APLF: variants seen among roughly 807,000 people sequenced by gnomAD.
APLF encodes aprataxin and PNK-like factor.
A neutral mutation model predicts 55.6 loss-of-function variants in APLF; 61 were observed. The ratio of observed to expected loss-of-function variants is 1.10; its 90% CI spans 0.89 to 1.36. The LOEUF (loss-of-function observed/expected upper bound fraction) is 1.36. Among genes scored for constraint, APLF ranks in the 40% most tolerant of loss-of-function variants. APLF has a pLI of 0.00. For synonymous variants in APLF, 207 were observed against 214.8 expected, an observed-to-expected ratio of 0.96 and a Z score of 0.32; for missense variants, 611 against 602.5, an observed-to-expected ratio of 1.01 and a Z score of -0.15.
chr2:68,514,421 T>G (rs1669515717), intron 5 of APLF, among the ~76,000 whole-genome samples: 1 of 151,814 alleles, frequency 6.6e-6, no homozygotes, highest in Non-Finnish European at 1.5e-5. Context: ...TATGTTCCTC[T>G]GAAGAAGTAT....
intron 1 of APLF, among the ~76,000 whole-genome samples, chr2:68,483,791 A>C (rs1298035007): frequency 1.3e-5 from 2 of 152,176 alleles, no homozygotes; most frequent in African/African-American, 2.4e-5. Flanking sequence ...ATACTGAAAA[A>C]TGAACTATTT....
chr2:68,491,725 C>T (rs111403532), intron 2 of APLF, among the ~76,000 whole-genome samples: 3,876 of 152,200 alleles, frequency 0.025, 65 homozygotes, highest in South Asian at 0.043. Context: ...TAACCGTCAC[C>T]TGAATAGTGT....
intron 6 of APLF, among the ~76,000 whole-genome samples, chr2:68,527,637 C>T (rs1246745256): frequency 2.0e-5 from 3 of 150,558 alleles, no homozygotes; most frequent in South Asian, 2.1e-4. Context: ...CGGGCAGAGG[C>T]GCTCCTCACT....
chr2:68,515,292 AAT>A (rs67524979), intron 5 of APLF, among the ~76,000 whole-genome samples: 21,541 of 147,906 alleles, frequency 0.15, 3,302 homozygotes, highest in African/African-American at 0.39. Context: ...CTTCATGTGT[AAT>A]ATATATATAT....
chr2:68,534,095 T>C (rs983485260), intron 6 of APLF, among the ~76,000 whole-genome samples: 3 of 152,162 alleles, frequency 2.0e-5, no homozygotes, highest in African/African-American at 7.2e-5. Flanking sequence ...GGAATAAAAT[T>C]GTAGGACTTC....
chr2:68,485,073 AACAAGG>A (rs1676086968), intron 1 of APLF, among the ~76,000 whole-genome samples: 1 of 152,088 alleles, frequency 6.6e-6, no homozygotes, highest in Non-Finnish European at 1.5e-5. Context: ...GTCACCTAAG[AACAAGG>A]ACATTTCTAT....
chr2:68,518,423 A>AT (rs1467915691), intron 5 of APLF, among the ~76,000 whole-genome samples: 2 of 112,484 alleles, frequency 1.8e-5, no homozygotes, highest in East Asian at 2.5e-4. Context: ...ATTATATAAT[A>AT]ATTTATTATA....
At chr2:68,563,885 C>T (rs1052453529) in intron 8 of APLF, among the ~76,000 whole-genome samples, 1 of 151,926 alleles carries the variant, frequency 6.6e-6, no homozygotes, top group Non-Finnish European at 1.5e-5. Flanking sequence ...TAGATAATAA[C>T]AGTAAGACAC....
intron 1 of APLF, among the ~76,000 whole-genome samples, chr2:68,469,987 A>G (rs1354674340): frequency 6.6e-6 from 1 of 152,202 alleles, no homozygotes; most frequent in African/African-American, 2.4e-5. Context: ...ATGGTTTTGT[A>G]TTTTTATGGT....
At position 68,578,211 on chromosome 2, in the gene APLF, T is replaced by G; in HGVS notation, c.*189T>G. 6 of 1,336,268 alleles carry G rather than the reference T, an allele frequency of 4.5e-6. No individual in the cohort carries two copies. The South Asian group carries it at 1.1e-4, about 24-fold the overall frequency. 82.8% of individuals were successfully genotyped at this position (1,336,268 alleles called of 1,614,324 possible). A position where few individuals can be genotyped will look rare whatever the true frequency, so the allele number is the denominator to read the frequency against. On this transcript the variant is annotated 3_prime_UTR_variant, in exon 10 of 10. Coordinates refer to ENST00000303795, the MANE Select transcript of APLF (RefSeq NM_173545.3). Reference sequence around the variant, plus strand: ...CAGTATAATAGATGGAATTTTTTGTTGCCTTGCCTTTTCTTTCCTACTTAA... The same window carrying G: ...CAGTATAATAGATGGAATTTTTTGTGGCCTTGCCTTTTCTTTCCTACTTAA...
intron 2 of APLF, among the ~76,000 whole-genome samples, chr2:68,492,447 C>T (rs544579637): frequency 1.3e-5 from 2 of 152,186 alleles, no homozygotes; most frequent in African/African-American, 4.8e-5. Flanking sequence ...CACTGCACTC[C>T]AGCCTGGGCG....
At chr2:68,520,052 AT>A (rs1669850806) in intron 5 of APLF, among the ~76,000 whole-genome samples, 1 of 151,772 alleles carries the variant, frequency 6.6e-6, no homozygotes, top group African/African-American at 2.4e-5. Flanking sequence ...TTTGATTTAC[AT>A]TTCCCTAATA....
chr2:68,506,091 A>C (rs538901918), intron 3 of APLF, among the ~76,000 whole-genome samples: 50 of 152,048 alleles, frequency 3.3e-4, no homozygotes, highest in Admixed American at 4.6e-4. Flanking sequence ...CCAGAAGTGA[A>C]GACCAAAATA....
intron 8 of APLF, among the ~76,000 whole-genome samples, chr2:68,547,350 T>C (rs1670736247): frequency 6.6e-6 from 1 of 151,808 alleles, no homozygotes; most frequent in South Asian, 2.1e-4. Flanking sequence ...CAAAATCATA[T>C]TAGCTTTTAT....
chr2:68,519,722 G>A (rs1024830204), intron 5 of APLF, among the ~76,000 whole-genome samples: 6 of 151,078 alleles, frequency 4.0e-5, no homozygotes, highest in Non-Finnish European at 7.4e-5. Flanking sequence ...ATTGACTGAT[G>A]GGCATTTGGG....
intron 5 of APLF, among the ~76,000 whole-genome samples, chr2:68,518,422 T>TA (rs1271001122): frequency 6.2e-5 from 7 of 112,338 alleles, no homozygotes; most frequent in African/African-American, 2.2e-4. Flanking sequence ...TATTATATAA[T>TA]AATTTATTAT....
At chr2:68,503,459 A>G (rs980996730) in intron 3 of APLF, among the ~76,000 whole-genome samples, 2 of 152,298 alleles carry the variant, frequency 1.3e-5, no homozygotes, top group African/African-American at 2.4e-5. Context: ...TTTAAATTAT[A>G]GAATGGATAA....
rs1671682303 is a variant in APLF, at chr2:68,578,512, G to A, written c.*490G>A. 2 of 986,038 alleles carry A rather than the reference G, an allele frequency of 2.0e-6. No individual in the cohort carries two copies. The highest frequency in any genetic ancestry group is 3.5e-5 in the African/African-American group (2 of 57,174). 61.1% of individuals were successfully genotyped at this position (986,038 alleles called of 1,614,324 possible). A position where few individuals can be genotyped will look rare whatever the true frequency, so the allele number is the denominator to read the frequency against. ...ATGGCGTTTTTTTTCTAGTACCTTA[G>A]ATGTGAGCTTTGCAATTTCACTTAC... On this transcript the variant is annotated 3_prime_UTR_variant, in exon 10 of 10. Transcript: ENST00000303795.
intron 9 of APLF, among the ~76,000 whole-genome samples, chr2:68,576,659 A>C (rs1277044582): frequency 6.6e-6 from 1 of 152,196 alleles, no homozygotes; most frequent in Non-Finnish European, 1.5e-5. Flanking sequence ...ATTAAGAAAA[A>C]TATAAATATA....
Sources: allele counts gnomAD v4.1 joint callset (sites outside exome capture counted in the v4.1 genomes callset), GRCh38; gene constraint gnomAD v4.1.1; transcripts MANE v1.5; gene names NCBI Gene and HGNC (gene_info 2026-07-23, HGNC 2026-07-21).